KCNH7: variants seen among roughly 807,000 people sequenced by gnomAD.
The protein encoded by KCNH7 is potassium voltage-gated channel subfamily H member 7.
Under a neutral mutation model 120.8 loss-of-function variants are expected in KCNH7, and 49 were observed. The observed-to-expected ratio is 0.41, with a 90% CI of 0.32 to 0.51. KCNH7 has a LOEUF of 0.51. Ranked by LOEUF, KCNH7 falls within the 20% of genes least tolerant of loss-of-function variation. The pLI is 0.38. For synonymous variants in KCNH7, 547 were observed against 516.1 expected, an observed-to-expected ratio of 1.06 and a Z score of -0.81; for missense variants, 1,097 against 1,446.6, an observed-to-expected ratio of 0.76 and a Z score of 3.92.
intron 2 of KCNH7, among the ~76,000 whole-genome samples, chr2:162,831,426 T>C (rs1466379273): frequency 6.6e-6 from 1 of 152,244 alleles, no homozygotes; most frequent in African/African-American, 2.4e-5. Context: ...ATTTGAGAAA[T>C]ATTTCTGATG....
rs60854157 is a variant in KCNH7 at position 162,429,383 on chromosome 2, C to CTTTTTTTTTTTTTTTTTTTTTTTTT, written c.1954+5814_1954+5815insAAAAAAAAAAAAAAAAAAAAAAAAA. ...AGACATTTAGAAATGAGGAAAAAGT[C>CTTTTTTTTTTTTTTTTTTTTTTTTT]TTTTTTTTTTTTTTTTTTTTTTACT... is the stretch of plus-strand genomic sequence containing the variant. On this transcript the variant is annotated intron_variant, in intron 8 of 15. Transcript: ENST00000332142. 7.0e-4 allele frequency among the ~76,000 whole-genome samples: 60 copies of CTTTTTTTTTTTTTTTTTTTTTTTTT among 86,240 alleles called. 3 individuals are homozygous for CTTTTTTTTTTTTTTTTTTTTTTTTT. The highest frequency in any genetic ancestry group is 2.4e-3 in the East Asian group (7 of 2,944). 56.6% of individuals were successfully genotyped at this position (86,240 alleles called of 152,430 possible).
chr2:162,643,609 C>A (rs1684241512), intron 2 of KCNH7, among the ~76,000 whole-genome samples: 1 of 151,798 alleles, frequency 6.6e-6, no homozygotes, highest in Non-Finnish European at 1.5e-5. Context: ...GAGATCAAGA[C>A]CATCCTGGCC....
chr2:162,431,107 T>C (rs929889554), intron 8 of KCNH7, among the ~76,000 whole-genome samples: 1 of 152,108 alleles, frequency 6.6e-6, no homozygotes, highest in African/African-American at 2.4e-5. Flanking sequence ...TAACAATCTA[T>C]ATGCATTAGA....
At chr2:162,541,019 T>C (rs189590957) in intron 2 of KCNH7, among the ~76,000 whole-genome samples, 12 of 152,206 alleles carry the variant, frequency 7.9e-5, no homozygotes, top group South Asian at 2.1e-4. Context: ...GGTGTCCAAG[T>C]TGACAACAAA....
chr2:162,493,557 C>T (rs576282506), intron 6 of KCNH7, among the ~76,000 whole-genome samples: 1 of 152,274 alleles, frequency 6.6e-6, no homozygotes, highest in South Asian at 2.1e-4. Flanking sequence ...AACTGCTCAA[C>T]TTGCCTGCTT....
chr2:162,420,539 T>C (rs1425799066), intron 9 of KCNH7, among the ~76,000 whole-genome samples: 1 of 152,204 alleles, frequency 6.6e-6, no homozygotes, highest in African/African-American at 2.4e-5. Flanking sequence ...TTTGAAACAT[T>C]CTGGCAATAG....
At chr2:162,838,358 G>T in intron 1 of KCNH7, 85 bp downstream of exon 1, 4 of 1,130,950 alleles carry the variant, frequency 3.5e-6, no homozygotes, top group Non-Finnish European at 5.3e-6. Flanking sequence ...TGGAGTTGCC[G>T]GTCTCCCCAC....
chr2:162,785,254 A>T (rs747288233), intron 2 of KCNH7: 1 of 152,352 alleles, frequency 6.6e-6, no homozygotes, highest in African/African-American at 2.4e-5. Context: ...TTAGCTTGTC[A>T]TCAAACAGGA....
intron 2 of KCNH7, among the ~76,000 whole-genome samples, chr2:162,572,071 C>T (rs1372557276): frequency 6.6e-6 from 1 of 151,986 alleles, no homozygotes; most frequent in Non-Finnish European, 1.5e-5. Context: ...TAAAGAGCTT[C>T]TGCACAGCAA....
chr2:162,497,395 T>A (rs1313019275), intron 6 of KCNH7, among the ~76,000 whole-genome samples: 1 of 152,064 alleles, frequency 6.6e-6, no homozygotes, highest in African/African-American at 2.4e-5. Context: ...CAGCATAAAG[T>A]AGATGGTATA....
intron 6 of KCNH7, among the ~76,000 whole-genome samples, chr2:162,478,203 C>T (rs1689811249): frequency 6.6e-6 from 1 of 152,242 alleles, no homozygotes; most frequent in Non-Finnish European, 1.5e-5. Flanking sequence ...GGATTAACTG[C>T]TCAAGGCTCC....
At chr2:162,738,157 T>C (rs963988594) in intron 2 of KCNH7, among the ~76,000 whole-genome samples, 1 of 152,052 alleles carries the variant, frequency 6.6e-6, no homozygotes, top group African/African-American at 2.4e-5. Context: ...GTAAGTTTCT[T>C]TTAAAAATTC....
At chr2:162,489,283 A>G (rs1277643422) in intron 6 of KCNH7, among the ~76,000 whole-genome samples, 1 of 152,174 alleles carries the variant, frequency 6.6e-6, no homozygotes, top group Non-Finnish European at 1.5e-5. Context: ...AGGGATGTCC[A>G]ATATTTTGGC....
chr2:162,463,774 T>C (rs573695515), intron 6 of KCNH7, among the ~76,000 whole-genome samples: 1 of 147,542 alleles, frequency 6.8e-6, no homozygotes, highest in East Asian at 1.9e-4. Flanking sequence ...CTCTCTTCCA[T>C]GTTCAAATAA....
intron 2 of KCNH7, among the ~76,000 whole-genome samples, chr2:162,650,084 A>G (rs16847077): frequency 0.021 from 3,272 of 152,228 alleles, 126 homozygotes; most frequent in African/African-American, 0.075. Flanking sequence ...TTGCTATTAT[A>G]GATCTTTAGT....
At position 162,440,678 on chromosome 2, in the gene KCNH7, G is replaced by A. The variant is rs545942508; in HGVS notation, c.1555-5081C>T. ...ATCAGACCTCACAAATACTTCTAAA[G>A]TATGGCTTTTAAAGAGGAGATTTTT... On this transcript the variant is annotated intron_variant, in intron 7 of 15. Transcript: ENST00000332142. 1.8e-4 allele frequency among the ~76,000 whole-genome samples: 27 copies of A among 152,108 alleles called. No homozygotes were observed. The East Asian group carries it at 4.4e-3, about 25-fold the overall frequency.
intron 2 of KCNH7, among the ~76,000 whole-genome samples, chr2:162,668,325 T>C (rs1685218867): frequency 1.3e-5 from 2 of 152,110 alleles, no homozygotes; most frequent in Non-Finnish European, 2.9e-5. Context: ...ACTTTGAAAA[T>C]ATGACAACTT....
chr2:162,395,359 C>T (rs544969240), intron 11 of KCNH7, among the ~76,000 whole-genome samples: 2 of 151,736 alleles, frequency 1.3e-5, no homozygotes, highest in South Asian at 2.1e-4. Flanking sequence ...TGGTAATTAT[C>T]GTAAGGTTAA....
At chr2:162,517,705 C>G (rs745319121) in intron 4 of KCNH7, 25 bp downstream of exon 4, 1 of 1,516,218 alleles carries the variant, frequency 6.6e-7, no homozygotes, top group Admixed American at 2.0e-5. Context: ...ATATATGTTT[C>G]CATTTAAAAA....
Sources: gnomAD v4.1 joint callset for allele counts (sites outside exome capture counted in the v4.1 genomes callset) on GRCh38, gnomAD v4.1.1 for gene constraint, MANE v1.5 for transcripts, NCBI Gene and HGNC (gene_info 2026-07-23, HGNC 2026-07-21) for gene names.